Variants in NRK observed in about 807,000 individuals in gnomAD.
NRK encodes the protein nik-related protein kinase.
NRK carries 67 observed loss-of-function variants against 125.2 expected under a neutral mutation model. The ratio of observed to expected loss-of-function variants is 0.54; its 90% CI spans 0.44 to 0.66. The LOEUF (loss-of-function observed/expected upper bound fraction) is 0.66, where lower values mean the gene tolerates loss of function less well. NRK is among the 30% of genes least tolerant of loss of function. The pLI is 0.00. For missense variants in NRK, 1,224 were observed against 1,192.9 expected (o/e 1.03, Z -0.38); for synonymous variants, 458 against 429.0 (o/e 1.07, Z -0.84).
Position 105,937,547 on chromosome X carries a change from T to A in NRK, c.3764T>A (p.Val1255Asp). The A allele has an allele frequency of 8.3e-7, 1 of 1,201,971 alleles. No individual in the cohort carries two copies. Among genetic ancestry groups the A allele is most frequent in the Non-Finnish European group, 1.1e-6 (1 of 889,956 alleles). ...CGAAGACCATTCCGCCAGATTCAAG[T>A]CTTAGAGCCACTCAATTTGCTGATT... ...IRRRPFRQIQ[V>D]LEPLNLLITI... is the part of the protein sequence containing the mutation. The change falls in exon 22 of 29, where the codon GTC (valine) becomes GAC (aspartate). Residue 1255 changes from valine (V) to aspartate (D), a missense_variant. Val to Asp is a radical substitution (Grantham distance 152). Transcript: ENST00000243300.
Position 105,851,203 on chromosome X carries a change from A to G in NRK, c.123+20084A>G, listed in dbSNP as rs181839373. On this transcript the variant is annotated intron_variant, in intron 2 of 28. Transcript: ENST00000243300. ...GGTTCTTAAGTAAGGGTGCACACCA[A>G]AATCTTCTGGAGGAATCATTTGAAA... 3.9e-4 allele frequency among the ~76,000 whole-genome samples: 44 copies of G among 112,087 alleles called. No homozygotes were observed. In the East Asian group the frequency reaches 6.2e-3, roughly 16 times the overall value.
chrX:105,948,383 G>C (rs1602705056), intron 26 of NRK: 1 of 195,434 alleles, frequency 5.1e-6, no homozygotes, highest in Middle Eastern at 1.7e-3. Flanking sequence ...ATCAGGGAGG[G>C]GGGTGTCTTC....
rs531393336 is a variant in NRK, at chrX:105,924,485, G to A, written c.2976-210G>A. Reference sequence around the variant, plus strand: ...ATCCAAATGCATCTGAGAAATTGGTGGTGGCTATGGCTTTAATCATTACAT... The same window carrying A: ...ATCCAAATGCATCTGAGAAATTGGTAGTGGCTATGGCTTTAATCATTACAT... On this transcript the variant is annotated intron_variant, in intron 18 of 28. Coordinates refer to ENST00000243300, the MANE Select transcript of NRK (RefSeq NM_198465.4). 5.1e-4 allele frequency among the ~76,000 whole-genome samples: 57 copies of A among 111,728 alleles called. No individual in the cohort carries two copies. The South Asian group carries it at 8.9e-3, about 18-fold the overall frequency.
Position 105,957,510 on chromosome X carries a change from T to G in NRK, c.*1910T>G, listed in dbSNP as rs1396464980. The G allele has an allele frequency of 8.9e-6, 1 of 111,864 alleles. No homozygotes were observed. Among genetic ancestry groups the G allele is most frequent in the Non-Finnish European group, 1.9e-5 (1 of 53,139 alleles). 9.2% of individuals were successfully genotyped at this position (111,864 alleles called of 1,213,427 possible). On this transcript the variant is annotated 3_prime_UTR_variant, in exon 29 of 29. Coordinates refer to ENST00000243300, the MANE Select transcript of NRK (RefSeq NM_198465.4). ...CATAATATTTACTCAAAGTTAAGCT[T>G]AAAAATAAGTTTTATCTTAAAATCA...
At chrX:105,926,156 A>AG (rs2040521172) in intron 19 of NRK, among the ~76,000 whole-genome samples, 1 of 111,474 alleles carries the variant, frequency 9.0e-6, no homozygotes, top group South Asian at 3.7e-4. Flanking sequence ...GGATGAGATA[A>AG]TATCTCATTG....
chrX:105,842,311 C>T lies in NRK; in HGVS notation c.123+11192C>T, dbSNP rs190550052. Among the ~76,000 whole-genome samples the T allele has an allele frequency of 2.2e-3, 242 of 111,225 alleles. 1 individual carries two copies. Among genetic ancestry groups the T allele is most frequent in the Non-Finnish European group, 1.9e-3 (102 of 52,968 alleles). On this transcript the variant is annotated intron_variant, in intron 2 of 28. Transcript: ENST00000243300. ...ACAAGCAGATAGTCTTTACAGGATA[C>T]TCAAAGCTGATGACTAAATTTCTAC...
At chrX:105,875,912 C>T (rs1211945229) in intron 2 of NRK, among the ~76,000 whole-genome samples, 2 of 110,751 alleles carry the variant, frequency 1.8e-5, no homozygotes, top group African/African-American at 6.5e-5. Context: ...ATTTTTTTCT[C>T]CTAGCTCTGT....
chrX:105,905,470 T>C lies in NRK; in HGVS notation c.845+127T>C, dbSNP rs1051903757. Reference sequence around the variant, plus strand: ...TTGGACAATATTTCCTAAAGTCTAATATCTTAACTGGGAGGTCTAAATGAC... The same window carrying C: ...TTGGACAATATTTCCTAAAGTCTAACATCTTAACTGGGAGGTCTAAATGAC... On this transcript the variant is annotated intron_variant, in intron 10 of 28. Transcript: ENST00000243300. 23 of 517,854 alleles carry C rather than the reference T, an allele frequency of 4.4e-5. No individual in the cohort carries two copies. The African/African-American group carries it at 5.3e-4, about 12-fold the overall frequency. The allele number at this position is 517,854 out of a possible 1,213,427, so 42.7% of individuals were successfully genotyped here.
chrX:105,931,394 A>T (rs1323436771), intron 19 of NRK, among the ~76,000 whole-genome samples: 1 of 111,693 alleles, frequency 9.0e-6, no homozygotes, highest in Non-Finnish European at 1.9e-5. Flanking sequence ...TTTGCTCCTT[A>T]TCTGGAGCAA....
At chrX:105,929,858 A>G (rs2040572842) in intron 19 of NRK, among the ~76,000 whole-genome samples, 1 of 111,391 alleles carries the variant, frequency 9.0e-6, no homozygotes, top group Admixed American at 9.5e-5. Context: ...TGGTGATACT[A>G]TTTTGGGCTA....
At chrX:105,892,078 T>C (rs2040022672) in intron 5 of NRK, among the ~76,000 whole-genome samples, 1 of 111,882 alleles carries the variant, frequency 8.9e-6, no homozygotes, top group South Asian at 3.7e-4. Context: ...AAACTATCTA[T>C]TTGTCAGGTG....
At chrX:105,843,869 G>GT (rs753216954) in intron 2 of NRK, among the ~76,000 whole-genome samples, 10 of 109,542 alleles carry the variant, frequency 9.1e-5, no homozygotes, top group African/African-American at 1.7e-4. Flanking sequence ...TGCTGTAATG[G>GT]TTTTTTTTAA....
intron 2 of NRK, among the ~76,000 whole-genome samples, chrX:105,859,154 C>T (rs1364134415): frequency 3.6e-5 from 4 of 111,180 alleles, no homozygotes; most frequent in Non-Finnish European, 5.7e-5. Context: ...AGATCTCTTT[C>T]AGTTAGATAA....
chrX:105,951,557 C>T (rs1186244406), intron 27 of NRK, among the ~76,000 whole-genome samples: 1 of 112,255 alleles, frequency 8.9e-6, no homozygotes, highest in Non-Finnish European at 1.9e-5. Context: ...TGTCTACAAA[C>T]AACTGCTTTG....
chrX:105,935,047 AT>A, intron 20 of NRK, 122 bp from the exon 21 acceptor site: 1 of 505,362 alleles, frequency 2.0e-6, no homozygotes, highest in Non-Finnish European at 3.3e-6. Flanking sequence ...CAGAGGAGTA[AT>A]TTAAAAAAAA....
chrX:105,902,244 C>T (rs1233894502), intron 9 of NRK, among the ~76,000 whole-genome samples: 1 of 110,882 alleles, frequency 9.0e-6, no homozygotes, highest in Admixed American at 9.7e-5. Context: ...AAGTGAAGGC[C>T]AGGAGATTTG....
chrX:105,828,691 C>T (rs1211503920), intron 1 of NRK, among the ~76,000 whole-genome samples: 2 of 111,622 alleles, frequency 1.8e-5, no homozygotes, highest in African/African-American at 6.5e-5. Context: ...CAATGATATC[C>T]ATCACATAAA....
rs1294120667 is a variant in NRK at position 105,935,246 on chromosome X, C to T, written c.3576C>T (p.Val1192=). ...PSEVNVNPLY[V]SPACKKPLIH... Reference sequence around the variant, plus strand: ...AAGTCAATGTTAACCCACTCTATGTCTCTCCTGCATGTAAAAAACCACTAA... The same window carrying T: ...AAGTCAATGTTAACCCACTCTATGTTTCTCCTGCATGTAAAAAACCACTAA... Residue 1192 remains valine (V), a synonymous_variant, in exon 21 of 29, where the codon GTC becomes GTT. Coordinates refer to ENST00000243300, the MANE Select transcript of NRK (RefSeq NM_198465.4). 1 of 1,187,779 alleles carries T rather than the reference C, an allele frequency of 8.4e-7. No individual in the cohort carries two copies. The highest frequency in any genetic ancestry group is 1.8e-5 in the African/African-American group (1 of 56,478).
At chrX:105,921,157 A>C (rs1406943177) in intron 16 of NRK, among the ~76,000 whole-genome samples, 1 of 107,494 alleles carries the variant, frequency 9.3e-6, no homozygotes, top group Non-Finnish European at 1.9e-5. Flanking sequence ...AGCCATAAAA[A>C]ATGATGAGTT....
Sources: gnomAD v4.1 joint callset for allele counts (sites outside exome capture counted in the v4.1 genomes callset) on GRCh38, gnomAD v4.1.1 for gene constraint, MANE v1.5 for transcripts, NCBI Gene and HGNC (gene_info 2026-07-23, HGNC 2026-07-21) for gene names.